Variants in MMD observed in about 807,000 individuals in gnomAD.
MMD encodes the protein monocyte to macrophage differentiation associated.
In MMD, 22 loss-of-function variants were observed where a neutral mutation model predicts 33.6. The ratio of observed to expected loss-of-function variants is 0.66; its 90% CI spans 0.47 to 0.94. The LOEUF is 0.94. Ranked by LOEUF, MMD falls within the 40% of genes least tolerant of loss-of-function variation. The pLI is 0.00. For missense variants in MMD, 242 were observed against 309.8 expected (o/e 0.78, Z 1.64); for synonymous variants, 97 against 103.2 (o/e 0.94, Z 0.36).
intron 6 of MMD, 34 bp from the exon 7 acceptor site, chr17:55,394,568 GATGTTACTCTGC>G: frequency 7.2e-7 from 1 of 1,392,682 alleles, no homozygotes. Flanking sequence ...AAAAGGGTTT[GATGTTACTCTGC>G]ATGGCAAGCT....
At chr17:55,397,424 T>A (rs1426336952) in intron 6 of MMD, among the ~76,000 whole-genome samples, 2 of 152,144 alleles carry the variant, frequency 1.3e-5, no homozygotes, top group Non-Finnish European at 2.9e-5. Flanking sequence ...GCCTCCCTGG[T>A]TAAATTTTTG....
chr17:55,409,453 C>T (rs548565012), intron 3 of MMD, among the ~76,000 whole-genome samples: 2 of 152,262 alleles, frequency 1.3e-5, no homozygotes, highest in Admixed American at 6.5e-5. Flanking sequence ...AATCTGCCAC[C>T]GACCTCTCTG....
chr17:55,408,188 C>T (rs1259846021), intron 3 of MMD, among the ~76,000 whole-genome samples: 1 of 152,178 alleles, frequency 6.6e-6, no homozygotes, highest in Non-Finnish European at 1.5e-5. Context: ...GGAGGGCAGA[C>T]CACCTCCCCG....
Position 55,418,318 on chromosome 17 carries a change from A to G in MMD, c.26+3352T>C, listed in dbSNP as rs575527737. ...GTCTTGTTCACCTTTCCATTACCAA[A>G]CTGAAGTACAATGCCCAGCTTATTG... On this transcript the variant is annotated intron_variant, in intron 1 of 6. Coordinates refer to ENST00000262065, the MANE Select transcript of MMD (RefSeq NM_012329.3). Among the ~76,000 whole-genome samples, 17 of 152,316 alleles carry G rather than the reference A, an allele frequency of 1.1e-4. 2 individuals are homozygous for G. The South Asian group carries it at 2.9e-3, about 26-fold the overall frequency.
At chr17:55,414,309 T>C in intron 1 of MMD, 77 bp from the exon 2 acceptor site, 2 of 1,344,736 alleles carry the variant, frequency 1.5e-6, no homozygotes, top group Non-Finnish European at 1.1e-6. Context: ...CCAGTGGGTA[T>C]GTGGTCTATT....
chr17:55,409,871 A>G (rs886837523), intron 3 of MMD, among the ~76,000 whole-genome samples: 1 of 152,228 alleles, frequency 6.6e-6, no homozygotes, highest in Non-Finnish European at 1.5e-5. Flanking sequence ...AGTACTTTGC[A>G]TCTAAACTGG....
At chr17:55,419,577 G>A (rs1908096068) in intron 1 of MMD, among the ~76,000 whole-genome samples, 2 of 148,302 alleles carry the variant, frequency 1.3e-5, no homozygotes, top group South Asian at 4.3e-4. Context: ...GATATATCAT[G>A]AACACAGCAT....
In MMD at chr17:55,411,256, C is replaced by A. The variant is rs1907749826; in HGVS notation, c.269+1G>T. On this transcript the variant is annotated splice_donor_variant, in intron 3 of 6. Coordinates refer to ENST00000262065, the MANE Select transcript of MMD (RefSeq NM_012329.3). LOFTEE classifies it high-confidence loss of function. ...TTGAAACAGCATGTCATCCACTGTA[C>A]CTTAAGTGGCTCTTTTTCCATGATA... is the stretch of plus-strand genomic sequence containing the variant. 1 of 1,612,118 alleles carries A rather than the reference C, an allele frequency of 6.2e-7. No homozygotes were observed. Among genetic ancestry groups the A allele is most frequent in the East Asian group, 2.2e-5 (1 of 44,874 alleles).
chr17:55,407,657 G>A (rs955950435), intron 4 of MMD, 89 bp downstream of exon 4: 11 of 1,191,954 alleles, frequency 9.2e-6, no homozygotes, highest in East Asian at 2.4e-5. Flanking sequence ...GAGGGCTGAG[G>A]GTGGGGACAA....
chr17:55,405,362 C>G (rs1907502476), intron 4 of MMD, among the ~76,000 whole-genome samples: 1 of 125,674 alleles, frequency 8.0e-6, no homozygotes, highest in South Asian at 2.6e-4. Flanking sequence ...GCAACAAGAG[C>G]AAAACTCCGT....
In MMD at chr17:55,421,785, G is replaced by C. The variant is rs936192801; in HGVS notation, c.-90C>G. On this transcript the variant is annotated 5_prime_UTR_variant, in exon 1 of 7. Coordinates refer to ENST00000262065, the MANE Select transcript of MMD (RefSeq NM_012329.3). ...GGCCCTCATGGGCTTGGGCTGCTCC[G>C]GAGGCCGCCTGCGTGTCCAGCGGAA... 2.0e-5 allele frequency: 29 copies of C among 1,418,232 alleles called. No homozygotes were observed. The highest frequency in any genetic ancestry group is 2.6e-5 in the Non-Finnish European group (28 of 1,066,242). The allele number at this position is 1,418,232 out of a possible 1,614,324, so 87.9% of individuals were successfully genotyped here.
chr17:55,413,775 C>T (rs1907854501), intron 2 of MMD, among the ~76,000 whole-genome samples: 1 of 152,146 alleles, frequency 6.6e-6, no homozygotes, highest in African/African-American at 2.4e-5. Flanking sequence ...TTTCAACAAA[C>T]TGTGAACTCT....
intron 3 of MMD, among the ~76,000 whole-genome samples, chr17:55,408,257 C>G (rs1300924179): frequency 6.6e-6 from 1 of 152,196 alleles, no homozygotes; most frequent in African/African-American, 2.4e-5. Context: ...TAAACACTCC[C>G]TGAGCTGAAA....
intron 1 of MMD, among the ~76,000 whole-genome samples, chr17:55,419,109 A>G (rs1056989894): frequency 6.6e-6 from 1 of 152,256 alleles, no homozygotes; most frequent in Non-Finnish European, 1.5e-5. Flanking sequence ...ACTATGGGCA[A>G]GTTCCCTTTC....
chr17:55,411,503 G>C, intron 2 of MMD, 86 bp from the exon 3 acceptor site: 2 of 1,381,562 alleles, frequency 1.4e-6, no homozygotes, highest in Non-Finnish European at 9.7e-7. Flanking sequence ...GCTTTACCAG[G>C]AACAATTTTA....
At chr17:55,412,212 T>C (rs7219073) in intron 2 of MMD, among the ~76,000 whole-genome samples, 1 of 152,218 alleles carries the variant, frequency 6.6e-6, no homozygotes. Flanking sequence ...ATAATGTACA[T>C]AGCAACACAC....
At chr17:55,419,038 T>C (rs1908078561) in intron 1 of MMD, among the ~76,000 whole-genome samples, 1 of 152,208 alleles carries the variant, frequency 6.6e-6, no homozygotes, top group Non-Finnish European at 1.5e-5. Flanking sequence ...GCTAGCAGCA[T>C]GACTGGTTGA....
At chr17:55,414,555 T>TTC (rs1907892725) in intron 1 of MMD, among the ~76,000 whole-genome samples, 1 of 58,518 alleles carries the variant, frequency 1.7e-5, no homozygotes, top group South Asian at 9.7e-4. Flanking sequence ...TCCTCCTCCA[T>TTC]TCACACACAC....
intron 6 of MMD, among the ~76,000 whole-genome samples, chr17:55,395,648 C>T (rs113114888): frequency 0.011 from 1,703 of 152,284 alleles, 14 homozygotes; most frequent in Non-Finnish European, 0.018. Flanking sequence ...CACAGAAGCC[C>T]CCATGTTTTG....
Sources: gnomAD v4.1 joint callset for allele counts (sites outside exome capture counted in the v4.1 genomes callset) on GRCh38, gnomAD v4.1.1 for gene constraint, MANE v1.5 for transcripts, NCBI Gene and HGNC (gene_info 2026-07-23, HGNC 2026-07-21) for gene names.